Variants in RPTOR observed in about 807,000 individuals in gnomAD.
The protein encoded by RPTOR is regulatory associated protein of MTOR complex 1, also known as regulatory-associated protein of mTOR.
A neutral mutation model predicts 169.9 loss-of-function variants in RPTOR; 21 were observed. The observed-to-expected ratio is 0.12, with a 90% CI of 0.09 to 0.18. The LOEUF is 0.18. RPTOR is among the 10% of genes least tolerant of loss of function. The pLI is 1.00. For synonymous variants in RPTOR, 732 were observed against 753.2 expected (o/e 0.97, Z 0.46); for missense variants, 1,133 against 1,855.9 (o/e 0.61, Z 7.16).
chr17:80,850,478 C>T (rs2672898), intron 11 of RPTOR, among the ~76,000 whole-genome samples: 103,932 of 152,054 alleles, frequency 0.68, 37,255 homozygotes, highest in Non-Finnish European at 0.8. Flanking sequence ...GATCTCGGCT[C>T]ACTGCAGCCG....
chr17:80,755,872 C>T (rs2066676262), intron 6 of RPTOR, among the ~76,000 whole-genome samples: 1 of 152,174 alleles, frequency 6.6e-6, no homozygotes, highest in Admixed American at 6.5e-5. Context: ...CAGACTTAGC[C>T]TGAAAGGGCC....
intron 7 of RPTOR, among the ~76,000 whole-genome samples, chr17:80,807,603 T>A (rs892896206): frequency 6.6e-6 from 1 of 152,156 alleles, no homozygotes; most frequent in Admixed American, 6.5e-5. Flanking sequence ...CCGCCCACCT[T>A]GGCTTCCCAA....
At chr17:80,586,816 C>T (rs565641041) in intron 1 of RPTOR, among the ~76,000 whole-genome samples, 103 of 152,362 alleles carry the variant, frequency 6.8e-4, no homozygotes, top group African/African-American at 2.3e-3. Flanking sequence ...GATTTTTCCT[C>T]TACTAACCTG....
intron 1 of RPTOR, among the ~76,000 whole-genome samples, chr17:80,568,616 A>G (rs1599557943): frequency 6.6e-6 from 1 of 152,118 alleles, no homozygotes; most frequent in Non-Finnish European, 1.5e-5. Context: ...CTTTTCACCA[A>G]AATTTTGGAA....
At chr17:80,663,746 TCA>T (rs2065742227) in intron 3 of RPTOR, among the ~76,000 whole-genome samples, 1 of 152,194 alleles carries the variant, frequency 6.6e-6, no homozygotes, top group South Asian at 2.1e-4. Flanking sequence ...CCCTCCCCAG[TCA>T]CAGTCCCCTC....
intron 20 of RPTOR, among the ~76,000 whole-genome samples, chr17:80,895,176 T>C (rs1303968019): frequency 6.6e-6 from 1 of 152,168 alleles, no homozygotes; most frequent in Admixed American, 6.5e-5. Context: ...ACACCCTCAC[T>C]CGCTGCACCC....
chr17:80,578,880 G>A (rs952313162), intron 1 of RPTOR, among the ~76,000 whole-genome samples: 5 of 152,322 alleles, frequency 3.3e-5, no homozygotes, highest in East Asian at 3.9e-4. Flanking sequence ...GCATGGGGGC[G>A]GCCGGCAGCT....
intron 10 of RPTOR, among the ~76,000 whole-genome samples, chr17:80,838,639 A>G (rs922005964): frequency 2.0e-5 from 3 of 152,230 alleles, no homozygotes; most frequent in African/African-American, 4.8e-5. Context: ...AGCCTCTCAC[A>G]TCTGTGCAGA....
intron 1 of RPTOR, among the ~76,000 whole-genome samples, chr17:80,547,423 A>G (rs930943046): frequency 2.6e-5 from 4 of 152,224 alleles, no homozygotes; most frequent in African/African-American, 9.6e-5. Context: ...TAATGGGTAT[A>G]CGTTTGACCT....
At chr17:80,830,386 C>G (rs1319266173) in intron 9 of RPTOR, among the ~76,000 whole-genome samples, 1 of 152,232 alleles carries the variant, frequency 6.6e-6, no homozygotes, top group Non-Finnish European at 1.5e-5. Context: ...GGGGGTTTCT[C>G]AGTCTGTATC....
chr17:80,704,443 G>A (rs8065598), intron 3 of RPTOR, among the ~76,000 whole-genome samples: 35,026 of 152,032 alleles, frequency 0.23, 4,116 homozygotes, highest in East Asian at 0.33. Flanking sequence ...TCCAGAATGT[G>A]TCCATCATTT....
At chr17:80,553,904 G>A (rs1346940175) in intron 1 of RPTOR, among the ~76,000 whole-genome samples, 1 of 151,958 alleles carries the variant, frequency 6.6e-6, no homozygotes, top group African/African-American at 2.4e-5. Flanking sequence ...ACCACGCCTG[G>A]CTAATTTTCA....
At chr17:80,757,281 A>G (rs1036970237) in intron 6 of RPTOR, among the ~76,000 whole-genome samples, 1 of 152,220 alleles carries the variant, frequency 6.6e-6, no homozygotes, top group African/African-American at 2.4e-5. Flanking sequence ...TGCCAACCAG[A>G]AATTAATGGG....
At chr17:80,792,636 G>A (rs1425734115) in intron 7 of RPTOR, among the ~76,000 whole-genome samples, 1 of 152,046 alleles carries the variant, frequency 6.6e-6, no homozygotes, top group African/African-American at 2.4e-5. Context: ...GTTTCCAAAG[G>A]CTAAACAGAT....
Position 80,643,981 on chromosome 17 carries a change from G to C in RPTOR, c.348+171G>C, listed in dbSNP as rs1225418029. 2.6e-5 allele frequency among the ~76,000 whole-genome samples: 4 copies of C among 152,262 alleles called. No individual in the cohort carries two copies. The East Asian group carries it at 7.7e-4, about 29-fold the overall frequency. ...CCTGCGTTCTGCCTGCTGGCTATTG[G>C]TGGCTGTGTTGTCTTGACAGCGTCC... On this transcript the variant is annotated intron_variant, in intron 3 of 33. Coordinates refer to ENST00000306801, the MANE Select transcript of RPTOR (RefSeq NM_020761.3).
chr17:80,964,897 G>A lies in RPTOR; in HGVS notation c.*567G>A. On this transcript the variant is annotated 3_prime_UTR_variant, in exon 34 of 34. Coordinates refer to ENST00000306801, the MANE Select transcript of RPTOR (RefSeq NM_020761.3). ...CGGGAAACCAAGAGAGAGGAAGAAG[G>A]AGACGCCCCTCCAACTGGCGGGTGT... 4.3e-6 allele frequency: 1 copy of A among 233,994 alleles called. No homozygotes were observed. The highest frequency in any genetic ancestry group is 1.8e-4 in the South Asian group (1 of 5,576). 14.5% of individuals were successfully genotyped at this position (233,994 alleles called of 1,614,324 possible).
chr17:80,730,171 A>G lies in RPTOR; in HGVS notation c.508-389A>G, dbSNP rs2066377840. On this transcript the variant is annotated intron_variant, in intron 4 of 33. Coordinates refer to ENST00000306801, the MANE Select transcript of RPTOR (RefSeq NM_020761.3). This position sits in a 1 kb window ranked among gnomAD's most constrained non-coding sequence, Gnocchi z 4.2. The stretch of plus-strand genomic sequence containing the variant: ...GCCCAGGCTGGAGTGCAGTGGCGCA[A>G]TCTTGGCTCACTGTAACCTTCGCCT... 6.6e-6 allele frequency among the ~76,000 whole-genome samples: 1 copy of G among 152,082 alleles called. No individual in the cohort carries two copies. Among genetic ancestry groups the G allele is most frequent in the South Asian group, 2.1e-4 (1 of 4,812 alleles).
chr17:80,743,678 C>T (rs1479518340), intron 5 of RPTOR, among the ~76,000 whole-genome samples: 1 of 135,718 alleles, frequency 7.4e-6, no homozygotes, highest in African/African-American at 2.5e-5. Context: ...AGGGCACAGC[C>T]CTGGCTACTA....
intron 2 of RPTOR, among the ~76,000 whole-genome samples, chr17:80,639,765 C>T (rs186638545): frequency 3.5e-4 from 54 of 152,288 alleles, no homozygotes; most frequent in Non-Finnish European, 6.2e-4. Context: ...TGAAGGGCTG[C>T]GGATTGGGTG....
Sources: allele counts gnomAD v4.1 joint callset (sites outside exome capture counted in the v4.1 genomes callset), GRCh38; gene constraint gnomAD v4.1.1; non-coding constraint Gnocchi (gnomAD v3.1); transcripts MANE v1.5; gene names NCBI Gene and HGNC (gene_info 2026-07-23, HGNC 2026-07-21).